The following OLA1 variants were observed in gnomAD, a reference collection of about 807,000 sequenced individuals.
The protein encoded by OLA1 is Obg like ATPase 1.
OLA1 carries 14 observed loss-of-function variants against 48.4 expected under a neutral mutation model. The ratio of observed to expected loss-of-function variants is 0.29; its 90% CI spans 0.19 to 0.45. The LOEUF is 0.45. Ranked by LOEUF, OLA1 falls within the 20% of genes least tolerant of loss-of-function variation. The probability of loss-of-function intolerance (pLI) is 1.00; values close to 1 mark genes in which losing one functional copy is unlikely to be tolerated. For missense variants in OLA1, 325 were observed against 467.1 expected (o/e 0.70, Z 2.80); for synonymous variants, 127 against 150.4 (o/e 0.84, Z 1.14).
At chr2:174,208,617 T>C (rs780061440) in intron 4 of OLA1, among the ~76,000 whole-genome samples, 3 of 152,124 alleles carry the variant, frequency 2.0e-5, no homozygotes, top group African/African-American at 7.2e-5. Context: ...GGAGTCAAAT[T>C]GAAAATTTTA....
intron 10 of OLA1, among the ~76,000 whole-genome samples, chr2:174,077,271 T>C (rs1473250600): frequency 6.6e-6 from 1 of 152,164 alleles, no homozygotes; most frequent in East Asian, 1.9e-4. Context: ...AGTATATAGT[T>C]CACAGCACTG....
chr2:174,093,853 T>C (rs1685183559), intron 7 of OLA1, among the ~76,000 whole-genome samples: 1 of 152,258 alleles, frequency 6.6e-6, no homozygotes, highest in Non-Finnish European at 1.5e-5. Flanking sequence ...TTTCCATTTT[T>C]GTTCAAAGAG....
At chr2:174,205,290 G>C (rs987999005) in intron 4 of OLA1, among the ~76,000 whole-genome samples, 3 of 151,964 alleles carry the variant, frequency 2.0e-5, no homozygotes, top group Non-Finnish European at 4.4e-5. Flanking sequence ...TACAAAAATG[G>C]GGAAAAAAAC....
chr2:174,152,289 C>A (rs1215978047), intron 4 of OLA1, among the ~76,000 whole-genome samples: 5 of 152,078 alleles, frequency 3.3e-5, no homozygotes, highest in Non-Finnish European at 5.9e-5. Flanking sequence ...GTAGTACCAG[C>A]TACTCAGGAG....
chr2:174,197,726 G>T (rs1025762591), intron 4 of OLA1, among the ~76,000 whole-genome samples: 1 of 151,966 alleles, frequency 6.6e-6, no homozygotes, highest in African/African-American at 2.4e-5. Flanking sequence ...AAGAAATGAA[G>T]AAAAAATAAA....
intron 4 of OLA1, among the ~76,000 whole-genome samples, chr2:174,171,325 T>A (rs981206615): frequency 6.6e-6 from 1 of 152,198 alleles, no homozygotes; most frequent in Non-Finnish European, 1.5e-5. Flanking sequence ...ACAAAACATA[T>A]TCTTTTCAAG....
chr2:174,120,238 G>T (rs139860775), intron 7 of OLA1, among the ~76,000 whole-genome samples: 1 of 152,192 alleles, frequency 6.6e-6, no homozygotes, highest in African/African-American at 2.4e-5. Flanking sequence ...TTAAGCAGTA[G>T]TTTGACAGTT....
intron 10 of OLA1, 111 bp from the exon 11 acceptor site, chr2:174,075,638 A>G: frequency 4.5e-6 from 3 of 665,826 alleles, no homozygotes; most frequent in Non-Finnish European, 7.8e-6. Context: ...GATATAAAAA[A>G]AGAAAAAATG....
intron 7 of OLA1, among the ~76,000 whole-genome samples, chr2:174,115,665 A>G (rs964089780): frequency 4.6e-5 from 7 of 152,194 alleles, no homozygotes; most frequent in African/African-American, 1.7e-4. Context: ...TTCAATTCCT[A>G]TAACTCGTAT....
intron 5 of OLA1, among the ~76,000 whole-genome samples, chr2:174,130,169 G>C (rs1475207685): frequency 6.6e-6 from 1 of 152,012 alleles, no homozygotes; most frequent in Non-Finnish European, 1.5e-5. Flanking sequence ...ATGATGTTTG[G>C]GATCTCTCTG....
intron 4 of OLA1, among the ~76,000 whole-genome samples, chr2:174,159,540 C>T (rs11682383): frequency 0.13 from 20,087 of 152,030 alleles, 1,785 homozygotes; most frequent in Non-Finnish European, 0.2. Context: ...GGTTTTTCAC[C>T]TACATTTATT....
At chr2:174,153,719 T>C (rs1686802291) in intron 4 of OLA1, among the ~76,000 whole-genome samples, 1 of 152,234 alleles carries the variant, frequency 6.6e-6, no homozygotes, top group African/African-American at 2.4e-5. Context: ...TTTTAGTTGC[T>C]GCAACATAGC....
chr2:174,176,624 G>A (rs1032093491), intron 4 of OLA1, among the ~76,000 whole-genome samples: 5 of 152,054 alleles, frequency 3.3e-5, no homozygotes, highest in African/African-American at 1.2e-4. Context: ...AGGTGCCCCT[G>A]TGCTTATGCA....
chr2:174,239,471 C>T (rs1297633897), intron 2 of OLA1, among the ~76,000 whole-genome samples: 1 of 151,940 alleles, frequency 6.6e-6, no homozygotes, highest in African/African-American at 2.4e-5. Context: ...CAGACAAACC[C>T]CAAATGAGAG....
At chr2:174,211,180 AAC>A (rs10563036) in intron 4 of OLA1, among the ~76,000 whole-genome samples, 4,371 of 148,706 alleles carry the variant, frequency 0.029, 88 homozygotes, top group African/African-American at 0.064. Context: ...TCCTCCCCAC[AAC>A]ACACACACAC....
At chr2:174,241,181 G>T (rs1056491136) in intron 2 of OLA1, among the ~76,000 whole-genome samples, 3 of 152,170 alleles carry the variant, frequency 2.0e-5, no homozygotes, top group African/African-American at 7.2e-5. Flanking sequence ...TAAGGCCCCA[G>T]ATCTGTTAAA....
intron 4 of OLA1, among the ~76,000 whole-genome samples, chr2:174,157,017 A>G (rs1352723476): frequency 6.6e-6 from 1 of 150,908 alleles, no homozygotes; most frequent in African/African-American, 2.4e-5. Flanking sequence ...TCAAATCTAA[A>G]AAAAAAAAAA....
chr2:174,191,890 T>A (rs1425072932), intron 4 of OLA1, among the ~76,000 whole-genome samples: 3 of 152,210 alleles, frequency 2.0e-5, no homozygotes, highest in Non-Finnish European at 4.4e-5. Flanking sequence ...CCAGGAATTC[T>A]CTCGATCACA....
intron 4 of OLA1, among the ~76,000 whole-genome samples, chr2:174,144,208 T>C (rs543018566): frequency 2.0e-5 from 3 of 152,288 alleles, no homozygotes; most frequent in South Asian, 4.1e-4. Context: ...AAAGGAGTTA[T>C]GACTGTATCA....
Sources: allele counts gnomAD v4.1 joint callset (sites outside exome capture counted in the v4.1 genomes callset), GRCh38; gene constraint gnomAD v4.1.1; transcripts MANE v1.5; gene names NCBI Gene and HGNC (gene_info 2026-07-23, HGNC 2026-07-21).